Variants in LZIC observed in about 807,000 individuals in gnomAD.
The protein encoded by LZIC is protein LZIC.
In LZIC, 28 loss-of-function variants were observed where a neutral mutation model predicts 25.4. The observed-to-expected ratio is 1.10, with a 90% CI of 0.82 to 1.51. The LOEUF (loss-of-function observed/expected upper bound fraction) is 1.51. Ranked by LOEUF, LZIC falls within the 40% of genes most tolerant of loss-of-function variation. The probability of loss-of-function intolerance (pLI) is 0.00; values close to 1 mark genes in which losing one functional copy is unlikely to be tolerated. For synonymous variants in LZIC, 65 were observed against 70.7 expected (o/e 0.92, Z 0.40); for missense variants, 170 against 211.1 (o/e 0.81, Z 1.21).
rs1183697348 is a variant in LZIC, at chr1:9,929,343, G to A, written c.*1056C>T. ...AGAAAAAGAATATTGAGAAGCACAT[G>A]AAAGAATATAAAATGGCTAGAGCCT... On this transcript the variant is annotated 3_prime_UTR_variant, in exon 8 of 8. Transcript: ENST00000377223. 1 of 984,706 alleles carries A rather than the reference G, an allele frequency of 1.0e-6. No individual in the cohort carries two copies. Among genetic ancestry groups the A allele is most frequent in the Admixed American group, 6.2e-5 (1 of 16,250 alleles). 61.0% of individuals were successfully genotyped at this position (984,706 alleles called of 1,614,324 possible).
At chr1:9,923,701 G>C (rs1557428093), downstream of LZIC, among the ~76,000 whole-genome samples, 2 of 151,550 alleles carry the variant, frequency 1.3e-5, no homozygotes, top group Non-Finnish European at 2.9e-5. Context: ...GAAAAAAAGA[G>C]AAAAAAATAT....
intron 2 of LZIC, among the ~76,000 whole-genome samples, chr1:9,941,535 C>G (rs2101616168): frequency 6.9e-6 from 1 of 145,006 alleles, no homozygotes; most frequent in African/African-American, 2.6e-5. Flanking sequence ...GAGTCTCACT[C>G]TGTCGCCAGG....
At chr1:9,934,884 C>A in intron 4 of LZIC, 24 bp from the exon 5 acceptor site, 1 of 1,550,220 alleles carries the variant, frequency 6.5e-7, no homozygotes, top group South Asian at 1.1e-5. Flanking sequence ...AAGGCAAAAA[C>A]TAACCAAAAT....
At chr1:9,935,763 G>A in intron 3 of LZIC, 136 bp from the exon 4 acceptor site, 2 of 766,592 alleles carry the variant, frequency 2.6e-6, no homozygotes, top group Non-Finnish European at 2.0e-6. Flanking sequence ...CATAGTAGTA[G>A]TGAGGGCATT....
chr1:9,939,194 C>T (rs1259881564), intron 2 of LZIC, among the ~76,000 whole-genome samples: 1 of 151,968 alleles, frequency 6.6e-6, no homozygotes, highest in Non-Finnish European at 1.5e-5. Flanking sequence ...TCTCCTGCCT[C>T]AGCCTCTTGA....
In LZIC at chr1:9,929,765, C is replaced by T; in HGVS notation, c.*634G>A. The T allele has an allele frequency of 1.0e-6, 1 of 985,052 alleles. No homozygotes were observed. The highest frequency in any genetic ancestry group is 1.2e-6 in the Non-Finnish European group (1 of 829,604). The allele number at this position is 985,052 out of a possible 1,614,324, so 61.0% of individuals were successfully genotyped here. On this transcript the variant is annotated 3_prime_UTR_variant, in exon 8 of 8. Transcript: ENST00000377223. ...TTGGGACACTGAATTTTCAAAAACA[C>T]TGACTTGCACAAATAGTGTTAATTA...
chr1:9,935,384 C>A, intron 4 of LZIC, 108 bp downstream of exon 4: 1 of 1,156,522 alleles, frequency 8.6e-7, no homozygotes, highest in East Asian at 2.5e-5. Flanking sequence ...GCCAAGACTG[C>A]CCCACTGCAC....
chr1:9,935,061 C>T (rs112529960), intron 4 of LZIC, among the ~76,000 whole-genome samples: 2 of 151,772 alleles, frequency 1.3e-5, no homozygotes, highest in Non-Finnish European at 2.9e-5. Flanking sequence ...CTTGGGAGGC[C>T]AAGGCAGGAG....
intron 2 of LZIC, among the ~76,000 whole-genome samples, chr1:9,937,825 T>G (rs1462191569): frequency 1.5e-5 from 2 of 129,550 alleles, no homozygotes; most frequent in Admixed American, 9.7e-5. Flanking sequence ...TCTGGCCTGG[T>G]TGACAGAGCG....
At chr1:9,923,213 C>T (rs1272233449), downstream of LZIC, among the ~76,000 whole-genome samples, 2 of 152,242 alleles carry the variant, frequency 1.3e-5, no homozygotes, top group East Asian at 1.9e-4. Flanking sequence ...AAATACAATG[C>T]CTCCATTTTA....
downstream of LZIC, chr1:9,922,404 C>A (rs1387981084): frequency 1.4e-6 from 1 of 738,970 alleles, no homozygotes; most frequent in Non-Finnish European, 1.7e-6. Context: ...CAAGTGGAGG[C>A]AATTCACTTA....
chr1:9,935,171 T>C (rs745699587), intron 4 of LZIC, among the ~76,000 whole-genome samples: 3 of 150,556 alleles, frequency 2.0e-5, no homozygotes, highest in Non-Finnish European at 2.9e-5. Context: ...GGCTCACGCT[T>C]GTAATCCCAG....
intron 2 of LZIC, among the ~76,000 whole-genome samples, chr1:9,938,886 T>A (rs934243349): frequency 2.6e-5 from 4 of 152,212 alleles, no homozygotes; most frequent in Non-Finnish European, 5.9e-5. Context: ...ACCTGCAACA[T>A]TTTTTGTTAT....
chr1:9,942,745 A>T lies in LZIC; in HGVS notation c.-130T>A. Reference sequence around the variant, plus strand: ...AAATGAAATTATTCATCAGGACTACAAAAGGCTCAAAGTTCAAACCACCTC... The same window carrying T: ...AAATGAAATTATTCATCAGGACTACTAAAGGCTCAAAGTTCAAACCACCTC... On this transcript the variant is annotated 5_prime_UTR_variant, in exon 2 of 8. Transcript: ENST00000377223. 4 of 1,250,532 alleles carry T rather than the reference A, an allele frequency of 3.2e-6. No homozygotes were observed. The highest frequency in any genetic ancestry group is 3.1e-6 in the Non-Finnish European group (3 of 953,388). The allele number at this position is 1,250,532 out of a possible 1,614,324, so 77.5% of individuals were successfully genotyped here. A position where few individuals can be genotyped will look rare whatever the true frequency, so the allele number is the denominator to read the frequency against.
downstream of LZIC, among the ~76,000 whole-genome samples, chr1:9,924,629 T>C (rs1280153834): frequency 1.3e-5 from 2 of 152,140 alleles, no homozygotes; most frequent in African/African-American, 2.4e-5. Flanking sequence ...ACTGGGATTA[T>C]AGGCGTGAAC....
chr1:9,934,751 A>G lies in LZIC; in HGVS notation c.336+11T>C. ...ACACACAGCAACCAAATCAATTTAA[A>G]GAAATTTTACCTCTGCTAACCTTGT... On this transcript the variant is annotated intron_variant, in intron 5 of 7. Transcript: ENST00000377223. The G allele has an allele frequency of 6.2e-7, 1 of 1,608,160 alleles. No individual in the cohort carries two copies. Among genetic ancestry groups the G allele is most frequent in the Non-Finnish European group, 8.5e-7 (1 of 1,174,778 alleles).
chr1:9,931,930 C>T lies in LZIC; in HGVS notation c.475G>A (p.Ala159Thr), dbSNP rs1239449195. The change falls in exon 7 of 8, where the codon GCT becomes ACT. Residue 159 changes from alanine (A) to threonine (T), a missense_variant. Transcript: ENST00000377223. ...DEAFLSANAG[A>T]ILSQFEKVST... ...ACTTTCTCAAACTGGCTGAGTATAG[C>T]ACCTGCATTTGCTGACAAGAAGGCC... is the stretch of plus-strand genomic sequence containing the variant. 1.9e-6 allele frequency: 3 copies of T among 1,613,768 alleles called. No homozygotes were observed. Among genetic ancestry groups the T allele is most frequent in the Non-Finnish European group, 2.5e-6 (3 of 1,179,896 alleles).
downstream of LZIC, among the ~76,000 whole-genome samples, chr1:9,924,011 C>T (rs1381326320): frequency 6.6e-6 from 1 of 152,210 alleles, no homozygotes; most frequent in African/African-American, 2.4e-5. Context: ...CTCAGCCTCC[C>T]AAAGTGCTGG....
At chr1:9,924,556 G>A (rs964846682), downstream of LZIC, among the ~76,000 whole-genome samples, 2 of 151,904 alleles carry the variant, frequency 1.3e-5, no homozygotes, top group Admixed American at 6.6e-5. Flanking sequence ...GGGTTTCACC[G>A]TGTTAGCCAG....
Sources: gnomAD v4.1 joint callset for allele counts (sites outside exome capture counted in the v4.1 genomes callset) on GRCh38, gnomAD v4.1.1 for gene constraint, MANE v1.5 for transcripts, NCBI Gene and HGNC (gene_info 2026-07-23, HGNC 2026-07-21) for gene names.